Variants in SPAG16 observed in about 807,000 individuals in gnomAD.
The protein encoded by SPAG16 is sperm associated antigen 16, also known as sperm-associated antigen 16 protein.
SPAG16 carries 86 observed loss-of-function variants against 80.4 expected under a neutral mutation model. The observed-to-expected ratio is 1.07, with a 90% CI of 0.90 to 1.28. SPAG16 has a LOEUF of 1.28. Among genes scored for constraint, SPAG16 ranks in the 50% most tolerant of loss-of-function variants. The probability of loss-of-function intolerance (pLI) is 0.00; values close to 1 mark genes in which losing one functional copy is unlikely to be tolerated. For missense variants in SPAG16, 870 were observed against 765.3 expected (o/e 1.14, Z -1.61); for synonymous variants, 294 against 265.9 (o/e 1.11, Z -1.03).
chr2:213,816,862 C>A (rs563853853), intron 10 of SPAG16, among the ~76,000 whole-genome samples: 1 of 151,988 alleles, frequency 6.6e-6, no homozygotes, highest in African/African-American at 2.4e-5. Context: ...AGTATTCCAC[C>A]TGTGAAGCCC....
At chr2:213,878,778 C>T (rs893537951) in intron 11 of SPAG16, among the ~76,000 whole-genome samples, 8 of 151,870 alleles carry the variant, frequency 5.3e-5, no homozygotes, top group African/African-American at 1.2e-4. Context: ...TTAATAGTTT[C>T]GAGTGTTACA....
At position 213,541,732 on chromosome 2, in the gene SPAG16, G is replaced by A. The variant is rs183302702; in HGVS notation, c.1070+51642G>A. 2.1e-3 allele frequency among the ~76,000 whole-genome samples: 327 copies of A among 152,204 alleles called. 2 individuals carry two copies. Among genetic ancestry groups the A allele is most frequent in the African/African-American group, 7.7e-3 (318 of 41,526 alleles). ...AGAACAAGAATTTCAGACCTCTATC[G>A]ACACACAGCTGAAAAGAAAGCAATA... On this transcript the variant is annotated intron_variant, in intron 10 of 15. Transcript: ENST00000331683.
intron 9 of SPAG16, among the ~76,000 whole-genome samples, chr2:213,393,295 A>C (rs2067864359): frequency 6.6e-6 from 1 of 151,868 alleles, no homozygotes; most frequent in South Asian, 2.1e-4. Flanking sequence ...ATGAAAAATA[A>C]GAATTTGTAG....
chr2:214,284,838 T>C (rs969091922), intron 15 of SPAG16, among the ~76,000 whole-genome samples: 3 of 151,848 alleles, frequency 2.0e-5, no homozygotes, highest in Non-Finnish European at 4.4e-5. Context: ...TGTGTGCATA[T>C]GTATTTGTGT....
chr2:213,813,864 G>C (rs746020011), intron 10 of SPAG16, among the ~76,000 whole-genome samples: 26 of 152,066 alleles, frequency 1.7e-4, no homozygotes, highest in Non-Finnish European at 3.2e-4. Flanking sequence ...ATACAAAACA[G>C]AGTTTAGCTG....
At chr2:213,838,482 T>G (rs1039268033) in intron 10 of SPAG16, among the ~76,000 whole-genome samples, 1 of 152,198 alleles carries the variant, frequency 6.6e-6, no homozygotes, top group Non-Finnish European at 1.5e-5. Flanking sequence ...CATCTCTGAC[T>G]TTATATGCAG....
At chr2:214,230,608 A>G (rs1287902202) in intron 15 of SPAG16, among the ~76,000 whole-genome samples, 3 of 152,046 alleles carry the variant, frequency 2.0e-5, no homozygotes, top group Non-Finnish European at 4.4e-5. Flanking sequence ...GTTTGCTCTC[A>G]GCAGGGAATT....
At chr2:214,044,995 G>C (rs1177153205) in intron 13 of SPAG16, among the ~76,000 whole-genome samples, 1 of 152,176 alleles carries the variant, frequency 6.6e-6, no homozygotes. Context: ...GCAATTCCTA[G>C]TGCTGAGCTG....
chr2:213,301,048 T>C (rs1337220944), intron 3 of SPAG16, among the ~76,000 whole-genome samples: 1 of 152,166 alleles, frequency 6.6e-6, no homozygotes, highest in Non-Finnish European at 1.5e-5. Context: ...ATTGTGGCTA[T>C]ACCATTACTT....
intron 12 of SPAG16, among the ~76,000 whole-genome samples, chr2:213,949,117 G>T (rs115061597): frequency 0.013 from 1,945 of 146,336 alleles, 41 homozygotes; most frequent in African/African-American, 0.046. Flanking sequence ...TGAAAATAAT[G>T]TCTACAGTTA....
Position 214,038,344 on chromosome 2 carries a change from A to C in SPAG16, c.1527+24267A>C, listed in dbSNP as rs149687061. On this transcript the variant is annotated intron_variant, in intron 13 of 15. Transcript: ENST00000331683. ...CTATTACCTACACAGCAACTTCCCTATTTTCTCTCTTCTGTCAATTTCAGT... is the reference window on the plus strand; with the variant it reads ...CTATTACCTACACAGCAACTTCCCTCTTTTCTCTCTTCTGTCAATTTCAGT... Among the ~76,000 whole-genome samples the C allele has an allele frequency of 7.5e-4, 114 of 151,916 alleles. 2 individuals are homozygous for C. Among genetic ancestry groups the C allele is most frequent in the African/African-American group, 2.7e-3 (113 of 41,422 alleles).
chr2:213,378,036 G>C (rs893508387), intron 9 of SPAG16, among the ~76,000 whole-genome samples: 1 of 151,956 alleles, frequency 6.6e-6, no homozygotes, highest in Non-Finnish European at 1.5e-5. Flanking sequence ...GAGCCAGTCC[G>C]AGTCCCAAAA....
At chr2:214,012,449 C>A (rs2047360285) in intron 12 of SPAG16, among the ~76,000 whole-genome samples, 1 of 151,112 alleles carries the variant, frequency 6.6e-6, no homozygotes, top group Non-Finnish European at 1.5e-5. Flanking sequence ...GCATATGCCG[C>A]CACGTCAGGC....
At chr2:214,394,126 C>T (rs370672482) in intron 15 of SPAG16, among the ~76,000 whole-genome samples, 1 of 152,088 alleles carries the variant, frequency 6.6e-6, no homozygotes. Flanking sequence ...TTACAGTCCT[C>T]ATCTAAATAG....
At chr2:213,927,481 A>G (rs2078537371) in intron 11 of SPAG16, among the ~76,000 whole-genome samples, 1 of 152,196 alleles carries the variant, frequency 6.6e-6, no homozygotes, top group Non-Finnish European at 1.5e-5. Flanking sequence ...CCAAAGTTAT[A>G]CAGTTTTCCA....
chr2:213,870,647 A>AG (rs2075910681), intron 11 of SPAG16, among the ~76,000 whole-genome samples: 1 of 152,152 alleles, frequency 6.6e-6, no homozygotes, highest in African/African-American at 2.4e-5. Context: ...TTCCACGAGA[A>AG]AATATATATA....
intron 10 of SPAG16, among the ~76,000 whole-genome samples, chr2:213,585,479 G>C (rs1449415824): frequency 6.6e-6 from 1 of 151,992 alleles, no homozygotes; most frequent in African/African-American, 2.4e-5. Flanking sequence ...GTTTCACCAT[G>C]TTGACCAGGC....
At chr2:213,797,641 C>G (rs931857018) in intron 10 of SPAG16, among the ~76,000 whole-genome samples, 2 of 152,166 alleles carry the variant, frequency 1.3e-5, no homozygotes, top group African/African-American at 2.4e-5. Context: ...ACAAAACTGT[C>G]CAAGGACACG....
intron 1 of SPAG16, among the ~76,000 whole-genome samples, chr2:213,290,900 C>G (rs547826318): frequency 6.6e-6 from 1 of 152,306 alleles, no homozygotes; most frequent in East Asian, 1.9e-4. Context: ...CTTCACTCTG[C>G]CTTTTTTACC....
Sources: gnomAD v4.1 joint callset for allele counts (sites outside exome capture counted in the v4.1 genomes callset) on GRCh38, gnomAD v4.1.1 for gene constraint, MANE v1.5 for transcripts, NCBI Gene and HGNC (gene_info 2026-07-23, HGNC 2026-07-21) for gene names.